Variants in GLG1 observed in about 807,000 individuals in gnomAD.
The protein encoded by GLG1 is golgi glycoprotein 1.
A neutral mutation model predicts 160.5 loss-of-function variants in GLG1; 38 were observed. That is an observed-to-expected ratio of 0.24 (90% CI 0.18 to 0.31). The LOEUF is 0.31. GLG1 is among the 10% of genes least tolerant of loss of function. The pLI, the probability that GLG1 is intolerant of heterozygous loss-of-function variation, is 1.00. For missense variants in GLG1, 1,373 were observed against 1,505.2 expected, an observed-to-expected ratio of 0.91 and a Z score of 1.45; for synonymous variants, 644 against 543.4, an observed-to-expected ratio of 1.19 and a Z score of -2.57.
intron 8 of GLG1, among the ~76,000 whole-genome samples, chr16:74,489,937 C>A (rs149810876): frequency 2.0e-5 from 3 of 152,012 alleles, no homozygotes; most frequent in African/African-American, 7.3e-5. Flanking sequence ...TGATTTTACA[C>A]GATTATCAGG....
intron 1 of GLG1, among the ~76,000 whole-genome samples, chr16:74,590,075 G>A (rs888579099): frequency 7.2e-5 from 11 of 151,988 alleles, no homozygotes; most frequent in African/African-American, 2.7e-4. Flanking sequence ...CACGATCTCT[G>A]CAAGCTCCGC....
chr16:74,498,654 C>A (rs1202164144), intron 4 of GLG1, among the ~76,000 whole-genome samples: 1 of 148,690 alleles, frequency 6.7e-6, no homozygotes, highest in Non-Finnish European at 1.5e-5. Context: ...CATCTGAGGT[C>A]AGGAGTTCGA....
At chr16:74,560,699 G>T (rs1353550985) in intron 1 of GLG1, among the ~76,000 whole-genome samples, 5 of 151,966 alleles carry the variant, frequency 3.3e-5, no homozygotes, top group African/African-American at 1.2e-4. Flanking sequence ...AATTAAACCT[G>T]AGCTGGGCAT....
chr16:74,470,283 C>T (rs932568155), intron 15 of GLG1, among the ~76,000 whole-genome samples: 2 of 150,680 alleles, frequency 1.3e-5, no homozygotes, highest in Admixed American at 1.3e-4. Flanking sequence ...CTCCCTCCTT[C>T]CTTCCTTTCC....
intron 2 of GLG1, among the ~76,000 whole-genome samples, chr16:74,529,689 C>T (rs984199978): frequency 1.3e-5 from 2 of 151,706 alleles, no homozygotes; most frequent in African/African-American, 4.8e-5. Flanking sequence ...TATAATTGTT[C>T]TCTAAAGAGT....
At chr16:74,596,447 T>C (rs537033153) in intron 1 of GLG1, among the ~76,000 whole-genome samples, 2 of 151,524 alleles carry the variant, frequency 1.3e-5, no homozygotes, top group South Asian at 2.1e-4. Flanking sequence ...GAGAATTGCT[T>C]GAACTCGGGA....
intron 1 of GLG1, among the ~76,000 whole-genome samples, chr16:74,535,726 T>C (rs2017670039): frequency 6.6e-6 from 1 of 152,238 alleles, no homozygotes; most frequent in Non-Finnish European, 1.5e-5. Flanking sequence ...TGAGCCAGTA[T>C]GCCCAGCTTT....
intron 10 of GLG1, among the ~76,000 whole-genome samples, chr16:74,482,548 A>C (rs548964582): frequency 6.6e-6 from 1 of 152,118 alleles, no homozygotes; most frequent in South Asian, 2.1e-4. Flanking sequence ...ACAGAATGAG[A>C]GGGAAATTAG....
chr16:74,463,543 A>AT, intron 19 of GLG1, 64 bp from the exon 20 acceptor site: 1 of 1,533,204 alleles, frequency 6.5e-7, no homozygotes. Context: ...ATCTGCGACC[A>AT]CTTTTTTTTT....
At position 74,509,115 on chromosome 16, in the gene GLG1, A is replaced by T. The variant is rs763756724; in HGVS notation, c.472-190T>A. Among the ~76,000 whole-genome samples, 3 of 151,796 alleles carry T rather than the reference A, an allele frequency of 2.0e-5. 1 individual carries two copies. The South Asian group carries it at 6.2e-4, about 31-fold the overall frequency. On this transcript the variant is annotated intron_variant, in intron 2 of 25. Coordinates refer to ENST00000422840, the MANE Select transcript of GLG1 (RefSeq NM_001145667.2). ...AAAAGGAAAAAAATGCAAGCCAAAT[A>T]AAAGGATGACTATTCAGATATATTT...
At chr16:74,549,233 T>C (rs1476339927) in intron 1 of GLG1, among the ~76,000 whole-genome samples, 1 of 151,830 alleles carries the variant, frequency 6.6e-6, no homozygotes, top group Non-Finnish European at 1.5e-5. Flanking sequence ...TCTATCTCTC[T>C]AGTAAAGTAA....
chr16:74,567,159 TTG>T (rs141148832), intron 1 of GLG1, among the ~76,000 whole-genome samples: 3 of 150,076 alleles, frequency 2.0e-5, no homozygotes, highest in Admixed American at 6.7e-5. Context: ...TTACATGTAA[TTG>T]TGTGTGTGTG....
At chr16:74,493,209 G>C in intron 6 of GLG1, 69 bp from the exon 7 acceptor site, 1 of 1,003,238 alleles carries the variant, frequency 1.0e-6, no homozygotes, top group Non-Finnish European at 1.5e-6. Context: ...GTACCACTAA[G>C]ATGAGCACAG....
In GLG1 at chr16:74,453,354, T is replaced by C; in HGVS notation, c.3373-20A>G. 1 of 1,563,672 alleles carries C rather than the reference T, an allele frequency of 6.4e-7. No homozygotes were observed. Among genetic ancestry groups the C allele is most frequent in the Non-Finnish European group, 8.8e-7 (1 of 1,134,986 alleles). The stretch of plus-strand genomic sequence containing the variant: ...GGCCACCTAGAATGACACAAGGCAA[T>C]GTGATTCTCTGAGAGAGCACTGGGC... On this transcript the variant is annotated intron_variant, in intron 25 of 25. Transcript: ENST00000422840.
intron 1 of GLG1, among the ~76,000 whole-genome samples, chr16:74,573,898 A>T (rs911101240): frequency 6.6e-6 from 1 of 151,460 alleles, no homozygotes; most frequent in Admixed American, 6.6e-5. Context: ...GGCGAAAGTG[A>T]TTCTCCCAGC....
intron 3 of GLG1, among the ~76,000 whole-genome samples, chr16:74,507,798 A>G (rs1210083019): frequency 6.6e-6 from 1 of 152,224 alleles, no homozygotes; most frequent in African/African-American, 2.4e-5. Context: ...ACAAACATTT[A>G]AAGTTCAAGC....
intron 12 of GLG1, among the ~76,000 whole-genome samples, chr16:74,477,054 G>A (rs2015410270): frequency 6.6e-6 from 1 of 152,194 alleles, no homozygotes; most frequent in Non-Finnish European, 1.5e-5. Flanking sequence ...CCAGTAGTAA[G>A]CTTTCTACAA....
At chr16:74,477,032 T>C (rs144962495) in intron 12 of GLG1, among the ~76,000 whole-genome samples, 37 of 152,236 alleles carry the variant, frequency 2.4e-4, no homozygotes, top group African/African-American at 7.5e-4. Context: ...GGAAAGAGGA[T>C]GTGAAATGGA....
chr16:74,576,098 G>C (rs2018994532), intron 1 of GLG1, among the ~76,000 whole-genome samples: 1 of 152,070 alleles, frequency 6.6e-6, no homozygotes, highest in Non-Finnish European at 1.5e-5. Context: ...TACTCAGGAG[G>C]CTGAGGCAGA....
Sources: allele counts gnomAD v4.1 joint callset (sites outside exome capture counted in the v4.1 genomes callset), GRCh38; gene constraint gnomAD v4.1.1; transcripts MANE v1.5; gene names NCBI Gene and HGNC (gene_info 2026-07-23, HGNC 2026-07-21).